The following ABCG2 variants were observed in gnomAD, a reference collection of about 807,000 sequenced individuals.
ABCG2 encodes the protein ATP binding cassette subfamily G member 2 (JR blood group), also known as broad substrate specificity ATP-binding cassette transporter ABCG2.
A neutral mutation model predicts 73.5 loss-of-function variants in ABCG2; 80 were observed. The ratio of observed to expected loss-of-function variants is 1.09; its 90% CI spans 0.91 to 1.31. The LOEUF (loss-of-function observed/expected upper bound fraction) is 1.31. ABCG2 is among the 50% of genes most tolerant of loss of function. The pLI is 0.00. For synonymous variants in ABCG2, 269 were observed against 282.4 expected (o/e 0.95, Z 0.48); for missense variants, 796 against 786.2 (o/e 1.01, Z -0.15).
Position 88,230,340 on chromosome 4 carries a change from TA to T in ABCG2, c.-20+653del, listed in dbSNP as rs1360800659. ...TTTTGGCCACATATATATATATATA[TA>T]TATATTTTTTGAGACGGAGTCTCGC... On this transcript the variant is annotated intron_variant, in intron 1 of 15. Coordinates refer to the ABCG2 transcript ENST00000515655. 6.5e-3 allele frequency among the ~76,000 whole-genome samples: 886 copies of T among 136,752 alleles called. 36 individuals are homozygous for T. Among genetic ancestry groups the T allele is most frequent in the African/African-American group, 0.022 (767 of 34,232 alleles). The allele number at this position is 136,752 out of a possible 152,430, so 89.7% of individuals were successfully genotyped here. A position where few individuals can be genotyped will look rare whatever the true frequency, so the allele number is the denominator to read the frequency against.
At chr4:88,120,561 T>G (rs1486263638) in intron 6 of ABCG2, among the ~76,000 whole-genome samples, 1 of 152,204 alleles carries the variant, frequency 6.6e-6, no homozygotes, top group Non-Finnish European at 1.5e-5. Context: ...AAGAAGATAA[T>G]TTCAGAGCTT....
At chr4:88,160,969 A>T (rs1428576119), upstream of ABCG2, among the ~76,000 whole-genome samples, 1 of 151,310 alleles carries the variant, frequency 6.6e-6, no homozygotes. Flanking sequence ...TGAGCCCAGG[A>T]GTTCAAGACC....
Position 88,097,527 on chromosome 4 carries a change from G to C in ABCG2, c.1573C>G (p.Leu525Val). ...MVAYSASSMA[L>V]AIAAGQSVVS... ...ACACTCTGACCTGCTGCTATGGCCA[G>C]TGCCATGGAACTGGCTGAATAAGCC... The change falls in exon 13 of 16, where the codon CTG (leucine) becomes GTG (valine). Residue 525 changes from leucine (L) to valine (V), a missense_variant. By Grantham distance (32) the Leu-to-Val change is conservative (BLOSUM62 1). Transcript: ENST00000237612. The C allele has an allele frequency of 1.2e-6, 2 of 1,614,210 alleles. No individual in the cohort carries two copies. The highest frequency in any genetic ancestry group is 1.7e-6 in the Non-Finnish European group (2 of 1,180,010).
chr4:88,160,142 A>G (rs1727226240), upstream of ABCG2, among the ~76,000 whole-genome samples: 2 of 151,908 alleles, frequency 1.3e-5, no homozygotes, highest in Non-Finnish European at 2.9e-5. Context: ...TCGCGAGGCT[A>G]AGGAACAAGA....
chr4:88,227,533 T>C (rs1730272392), intron 1 of ABCG2, among the ~76,000 whole-genome samples: 1 of 152,192 alleles, frequency 6.6e-6, no homozygotes, highest in African/African-American at 2.4e-5. Context: ...CTCTGAGTGG[T>C]GGCACTAAAA....
intron 1 of ABCG2, among the ~76,000 whole-genome samples, chr4:88,168,880 T>A (rs1727643763): frequency 6.7e-6 from 1 of 149,564 alleles, no homozygotes. Flanking sequence ...AAAAAAAAAT[T>A]GTATTAGCAA....
intron 14 of ABCG2, 93 bp from the exon 15 acceptor site, chr4:88,094,752 C>T: frequency 1.1e-6 from 1 of 933,842 alleles, no homozygotes; most frequent in Non-Finnish European, 1.7e-6. Context: ...TGAGTTTAAT[C>T]TTTATTGTTA....
chr4:88,136,690 C>T (rs975691876), intron 2 of ABCG2, among the ~76,000 whole-genome samples: 1 of 134,786 alleles, frequency 7.4e-6, no homozygotes, highest in Non-Finnish European at 1.6e-5. Flanking sequence ...TGGGCAACAA[C>T]GTAAGACCTT....
intron 1 of ABCG2, among the ~76,000 whole-genome samples, chr4:88,205,898 G>A (rs1267857956): frequency 6.6e-6 from 1 of 152,102 alleles, no homozygotes; most frequent in African/African-American, 2.4e-5. Context: ...GGCCAGGATG[G>A]TCTCGATCTC....
At chr4:88,228,023 C>T (rs939363928) in intron 1 of ABCG2, among the ~76,000 whole-genome samples, 35 of 152,188 alleles carry the variant, frequency 2.3e-4, no homozygotes, top group African/African-American at 8.4e-4. Context: ...GTTGAAATTA[C>T]AATCTCCTTG....
intron 9 of ABCG2, among the ~76,000 whole-genome samples, chr4:88,108,890 G>A (rs541549622): frequency 5.1e-4 from 77 of 152,146 alleles, no homozygotes; most frequent in African/African-American, 1.8e-3. Context: ...TACTTCAACA[G>A]ACCAAGCTTC....
chr4:88,133,446 T>G (rs1237759643), intron 2 of ABCG2, among the ~76,000 whole-genome samples: 1 of 152,214 alleles, frequency 6.6e-6, no homozygotes, highest in Admixed American at 6.5e-5. Flanking sequence ...AAGAGTCAGA[T>G]AAATACACTG....
In ABCG2 at chr4:88,092,198, T is replaced by A; in HGVS notation, c.*36A>T. On this transcript the variant is annotated 3_prime_UTR_variant, in exon 16 of 16. Coordinates refer to ENST00000237612, the MANE Select transcript of ABCG2 (RefSeq NM_004827.3). ...TACTTCAATCAAAGTGCTTCTTTTT[T>A]ATGTGAGGATAAATCATACTGAATT... The A allele has an allele frequency of 6.4e-7, 1 of 1,553,146 alleles. No homozygotes were observed. Among genetic ancestry groups the A allele is most frequent in the Non-Finnish European group, 8.7e-7 (1 of 1,146,458 alleles).
At chr4:88,106,965 C>T (rs1001017507) in intron 10 of ABCG2, among the ~76,000 whole-genome samples, 2 of 152,122 alleles carry the variant, frequency 1.3e-5, no homozygotes, top group African/African-American at 4.8e-5. Flanking sequence ...TTGCTTGAAC[C>T]CGGGAGGCGG....
chr4:88,107,350 T>A, intron 9 of ABCG2, 84 bp from the exon 10 acceptor site: 23 of 885,830 alleles, frequency 2.6e-5, no homozygotes, highest in Non-Finnish European at 3.9e-5. Context: ...TAGTATAATA[T>A]ATGGTTACAT....
upstream of ABCG2, among the ~76,000 whole-genome samples, chr4:88,231,491 G>T (rs768656519): frequency 2.6e-5 from 4 of 152,090 alleles, no homozygotes; most frequent in African/African-American, 7.2e-5. Flanking sequence ...CTTTCTCTTT[G>T]TGCCGCGGAA....
At chr4:88,137,973 A>G in intron 2 of ABCG2, among the ~76,000 whole-genome samples, 1 of 152,038 alleles carries the variant, frequency 6.6e-6, no homozygotes. Context: ...TGGGCAACGT[A>G]GGAAGACCCC....
intron 1 of ABCG2, among the ~76,000 whole-genome samples, chr4:88,199,266 G>C (rs538861351): frequency 6.6e-6 from 1 of 152,156 alleles, no homozygotes; most frequent in South Asian, 2.1e-4. Flanking sequence ...ACTGCGCCTG[G>C]CCAAAAACAA....
chr4:88,200,100 A>G (rs1382731772), intron 1 of ABCG2, among the ~76,000 whole-genome samples: 1 of 152,048 alleles, frequency 6.6e-6, no homozygotes. Flanking sequence ...TGAAGTGGGC[A>G]GATCACTTGA....
Sources: gnomAD v4.1 joint callset for allele counts (sites outside exome capture counted in the v4.1 genomes callset) on GRCh38, gnomAD v4.1.1 for gene constraint, MANE v1.5 for transcripts, NCBI Gene and HGNC (gene_info 2026-07-23, HGNC 2026-07-21) for gene names.